Variants in DLGAP2 observed in about 807,000 individuals in gnomAD.
The protein encoded by DLGAP2 is DLG associated protein 2, also known as disks large-associated protein 2.
A neutral mutation model predicts 100.3 loss-of-function variants in DLGAP2; 26 were observed. The observed-to-expected ratio is 0.26, with a 90% CI of 0.19 to 0.36. The LOEUF (loss-of-function observed/expected upper bound fraction) is 0.36. DLGAP2 is among the 10% of genes least tolerant of loss of function. DLGAP2 has a pLI of 1.00. For synonymous variants in DLGAP2, 886 were observed against 630.1 expected, an observed-to-expected ratio of 1.41 and a Z score of -6.08; for missense variants, 1,858 against 1,453.2, an observed-to-expected ratio of 1.28 and a Z score of -4.53.
chr8:1,705,663 A>T lies in DLGAP2; in HGVS notation c.*4257A>T, dbSNP rs1167691089. 6.6e-6 allele frequency: 1 copy of T among 152,042 alleles called. No individual in the cohort carries two copies. Among genetic ancestry groups the T allele is most frequent in the Non-Finnish European group, 1.5e-5 (1 of 68,012 alleles). The allele number at this position is 152,042 out of a possible 1,614,324, so 9.4% of individuals were successfully genotyped here. On this transcript the variant is annotated 3_prime_UTR_variant, in exon 15 of 15. Coordinates refer to ENST00000637795, the MANE Select transcript of DLGAP2 (RefSeq NM_001346810.2). The stretch of plus-strand genomic sequence containing the variant: ...ACACGGGCCGAAATAACTAAACTCC[A>T]CATGGTTCCTGCCTGCTCATTTCCC...
intron 3 of DLGAP2, chr8:1,380,316 C>G (rs1043528744): frequency 6.6e-6 from 1 of 152,206 alleles, no homozygotes; most frequent in Non-Finnish European, 1.5e-5. Flanking sequence ...TTTGTTACTT[C>G]CTGCACCGCA....
chr8:1,355,102 G>A (rs974233323), intron 3 of DLGAP2, among the ~76,000 whole-genome samples: 7 of 152,252 alleles, frequency 4.6e-5, no homozygotes, highest in Non-Finnish European at 8.8e-5. Context: ...TGTGGATGAA[G>A]GTGGAAAGTC....
At chr8:821,602 T>C (rs556981669) in intron 1 of DLGAP2, among the ~76,000 whole-genome samples, 52 of 152,366 alleles carry the variant, frequency 3.4e-4, no homozygotes, top group African/African-American at 1.1e-3. Context: ...TTTTGTCTCC[T>C]GGAAAGAAAA....
chr8:1,070,054 T>C (rs1441908374), intron 2 of DLGAP2, among the ~76,000 whole-genome samples: 1 of 152,234 alleles, frequency 6.6e-6, no homozygotes, highest in Non-Finnish European at 1.5e-5. Flanking sequence ...GCACTGTGCA[T>C]ATTCAAACAT....
At chr8:1,349,278 C>G (rs925773300) in intron 3 of DLGAP2, among the ~76,000 whole-genome samples, 5 of 144,698 alleles carry the variant, frequency 3.5e-5, no homozygotes, top group Admixed American at 2.8e-4. Flanking sequence ...TCACGAGCCT[C>G]CCGCCGACAT....
chr8:1,192,169 T>G (rs574275725), intron 2 of DLGAP2, among the ~76,000 whole-genome samples: 1 of 152,236 alleles, frequency 6.6e-6, no homozygotes, highest in Non-Finnish European at 1.5e-5. Flanking sequence ...CTTGGAGCTG[T>G]GGGTGGGGCT....
At chr8:1,312,753 C>T (rs1408279946) in intron 3 of DLGAP2, among the ~76,000 whole-genome samples, 1 of 152,198 alleles carries the variant, frequency 6.6e-6, no homozygotes, top group East Asian at 1.9e-4. Flanking sequence ...ACTTGGAATT[C>T]ATCCCATAGA....
At chr8:1,310,054 A>G (rs1439502743) in intron 3 of DLGAP2, among the ~76,000 whole-genome samples, 2 of 116,008 alleles carry the variant, frequency 1.7e-5, no homozygotes, top group Admixed American at 8.4e-5. Flanking sequence ...GCAAGTCTCC[A>G]TCTCAAAAAA....
chr8:1,600,271 G>A (rs1170018179), intron 6 of DLGAP2, among the ~76,000 whole-genome samples: 1 of 152,114 alleles, frequency 6.6e-6, no homozygotes, highest in Admixed American at 6.5e-5. Context: ...CCCTTTGTGG[G>A]TAACCTGACC....
intron 6 of DLGAP2, among the ~76,000 whole-genome samples, chr8:1,625,780 C>G (rs1270109387): frequency 6.6e-6 from 1 of 152,236 alleles, no homozygotes; most frequent in Non-Finnish European, 1.5e-5. Flanking sequence ...GCCATAAAAT[C>G]TCAGGTTTCA....
intron 1 of DLGAP2, among the ~76,000 whole-genome samples, chr8:785,006 G>T (rs919237925): frequency 6.6e-6 from 1 of 151,914 alleles, no homozygotes; most frequent in Non-Finnish European, 1.5e-5. Context: ...AGGAGATCGA[G>T]ACCATCCTGG....
At chr8:1,238,193 A>G (rs573756380) in intron 2 of DLGAP2, among the ~76,000 whole-genome samples, 23 of 27,744 alleles carry the variant, frequency 8.3e-4, no homozygotes, top group Non-Finnish European at 1.2e-3. Context: ...ACAGAGCATC[A>G]TGTCTAGTTC....
intron 2 of DLGAP2, among the ~76,000 whole-genome samples, chr8:953,349 A>C (rs1023853787): frequency 3.3e-5 from 5 of 152,146 alleles, no homozygotes; most frequent in African/African-American, 1.2e-4. Flanking sequence ...ACTTGTCACC[A>C]CGCCCGGCTA....
chr8:1,639,624 CACAAGCCCTA>C (rs1797849701), intron 8 of DLGAP2, among the ~76,000 whole-genome samples: 8 of 133,242 alleles, frequency 6.0e-5, no homozygotes, highest in African/African-American at 2.1e-4. Flanking sequence ...TAAAAATGGT[CACAAGCCCTA>C]TGGTCTCCAG....
chr8:1,056,347 C>T (rs1328875733), intron 2 of DLGAP2, among the ~76,000 whole-genome samples: 1 of 152,142 alleles, frequency 6.6e-6, no homozygotes, highest in African/African-American at 2.4e-5. Context: ...GGGTGGAATT[C>T]CTCCAGCTCT....
At chr8:1,099,216 G>A (rs1486021307) in intron 2 of DLGAP2, among the ~76,000 whole-genome samples, 4 of 152,166 alleles carry the variant, frequency 2.6e-5, no homozygotes, top group Admixed American at 1.3e-4. Context: ...CTCCGAATGC[G>A]TAGTAACTGC....
chr8:827,902 G>T (rs534367746), intron 1 of DLGAP2, among the ~76,000 whole-genome samples: 12 of 152,252 alleles, frequency 7.9e-5, no homozygotes, highest in African/African-American at 2.9e-4. Context: ...GAGTACAAAA[G>T]AGAGAAATTT....
intron 1 of DLGAP2, among the ~76,000 whole-genome samples, chr8:786,550 CAG>C (rs2132632716): frequency 6.6e-6 from 1 of 152,292 alleles, no homozygotes; most frequent in South Asian, 2.1e-4. Flanking sequence ...TGCGCGGCCA[CAG>C]AGAGGTGAGT....
intron 3 of DLGAP2, among the ~76,000 whole-genome samples, chr8:1,329,176 A>G (rs192556484): frequency 3.9e-4 from 59 of 152,362 alleles, no homozygotes; most frequent in Admixed American, 2.9e-3. Flanking sequence ...GGAGTTCTCA[A>G]GAGATGTGAA....
Sources: allele counts gnomAD v4.1 joint callset (sites outside exome capture counted in the v4.1 genomes callset), GRCh38; gene constraint gnomAD v4.1.1; transcripts MANE v1.5; gene names NCBI Gene and HGNC (gene_info 2026-07-23, HGNC 2026-07-21).